The following KIAA1549 variants were observed in gnomAD, a reference collection of about 807,000 sequenced individuals.
KIAA1549 encodes the protein KIAA1549.
In KIAA1549, 70 loss-of-function variants were observed where a neutral mutation model predicts 156.4. The ratio of observed to expected loss-of-function variants is 0.45; its 90% CI spans 0.37 to 0.55. KIAA1549 has a LOEUF of 0.55. KIAA1549 is among the 20% of genes least tolerant of loss of function. The pLI is 0.00. For missense variants in KIAA1549, 2,428 were observed against 2,540.9 expected, an observed-to-expected ratio of 0.96 and a Z score of 0.96; for synonymous variants, 1,103 against 1,066.4, an observed-to-expected ratio of 1.03 and a Z score of -0.67.
intron 17 of KIAA1549, among the ~76,000 whole-genome samples, chr7:138,844,757 TC>T (rs1370805346): frequency 6.6e-6 from 1 of 151,608 alleles, no homozygotes; most frequent in East Asian, 1.9e-4. Context: ...GTCCTGTGCT[TC>T]CTACCCCTGG....
At chr7:138,879,311 C>T (rs141774532) in intron 12 of KIAA1549, among the ~76,000 whole-genome samples, 40 of 152,274 alleles carry the variant, frequency 2.6e-4, no homozygotes, top group East Asian at 1.9e-3. Context: ...TAGAGTGAAG[C>T]GAGGCTATTA....
chr7:138,878,352 A>G (rs1231022565), intron 12 of KIAA1549, among the ~76,000 whole-genome samples: 1 of 152,232 alleles, frequency 6.6e-6, no homozygotes, highest in East Asian at 1.9e-4. Context: ...GTGAGAGGAG[A>G]GGCCCCTGGG....
intron 1 of KIAA1549, among the ~76,000 whole-genome samples, chr7:138,965,048 C>T (rs1813977487): frequency 6.6e-6 from 1 of 151,252 alleles, no homozygotes; most frequent in South Asian, 2.1e-4. Flanking sequence ...GCAGCCTTAA[C>T]CTCCTCTGCT....
chr7:138,952,286 A>C (rs912743831), intron 1 of KIAA1549, among the ~76,000 whole-genome samples: 1 of 152,216 alleles, frequency 6.6e-6, no homozygotes, highest in African/African-American at 2.4e-5. Context: ...TGTTCGTGTA[A>C]TTATTAATAA....
chr7:138,962,724 G>A (rs941327296), intron 1 of KIAA1549, among the ~76,000 whole-genome samples: 5 of 152,222 alleles, frequency 3.3e-5, no homozygotes, highest in African/African-American at 7.2e-5. Flanking sequence ...TTATCCATCC[G>A]AGACCTGTCC....
Position 138,911,150 on chromosome 7 carries a change from T to C in KIAA1549, c.3141A>G (p.Gln1047=). 1.3e-6 allele frequency: 2 copies of C among 1,582,622 alleles called. No homozygotes were observed. The highest frequency in any genetic ancestry group is 8.6e-7 in the Non-Finnish European group (1 of 1,165,632). ...FLVPESRFQV[Q]TVLQFVPPSV... is the part of the protein sequence containing the mutation. ...AACTATGCTGAGCTGTCTCACCTGTTTGAACTTGGAACCTGGACTCTGGCA... is the reference window on the plus strand; with the variant it reads ...AACTATGCTGAGCTGTCTCACCTGTCTGAACTTGGAACCTGGACTCTGGCA... Residue 1047 remains glutamine, a synonymous_variant, in exon 4 of 20, where the codon CAA becomes CAG. Transcript: ENST00000422774.
At chr7:138,955,000 A>G (rs1459697186) in intron 1 of KIAA1549, among the ~76,000 whole-genome samples, 1 of 152,146 alleles carries the variant, frequency 6.6e-6, no homozygotes, top group Non-Finnish European at 1.5e-5. Flanking sequence ...CAGGCCTCGG[A>G]TTAAGTCCCC....
chr7:138,851,925 A>C (rs949439058), intron 17 of KIAA1549, among the ~76,000 whole-genome samples: 3 of 152,152 alleles, frequency 2.0e-5, no homozygotes, highest in Non-Finnish European at 2.9e-5. Flanking sequence ...GATTTCCTGG[A>C]TCTTGGTCTC....
At chr7:138,946,809 G>C (rs547826831) in intron 1 of KIAA1549, among the ~76,000 whole-genome samples, 1 of 152,058 alleles carries the variant, frequency 6.6e-6, no homozygotes, top group African/African-American at 2.4e-5. Context: ...ACTCCACCCC[G>C]TCTGTAATGC....
chr7:138,877,902 T>C (rs1056462600), intron 12 of KIAA1549, among the ~76,000 whole-genome samples: 7 of 152,320 alleles, frequency 4.6e-5, no homozygotes, highest in African/African-American at 1.7e-4. Flanking sequence ...CTGGCTGTAA[T>C]ACCATCAGAA....
At chr7:138,846,211 T>G (rs1052405614) in intron 17 of KIAA1549, among the ~76,000 whole-genome samples, 2 of 152,126 alleles carry the variant, frequency 1.3e-5, no homozygotes, top group East Asian at 3.9e-4. Context: ...CTCATACAAT[T>G]TGGTGGCACT....
At position 138,917,253 on chromosome 7, in the gene KIAA1549, G is replaced by T. The variant is rs375579009; in HGVS notation, c.2373C>A (p.Thr791=). ...TTAAAATGGGCGTTGTGTGGACAGT[G>T]GTCAATGGTGATGTTGCTTGAATCC... ...TAGIQATSPL[T]TVHTTPILTE... Residue 791 remains threonine, a synonymous_variant, in exon 2 of 20, where the codon ACC becomes ACA. Transcript: ENST00000422774. The T allele has an allele frequency of 2.5e-6, 4 of 1,613,754 alleles. No individual in the cohort carries two copies. The highest frequency in any genetic ancestry group is 1.3e-5 in the African/African-American group (1 of 74,916).
At chr7:138,877,779 C>T (rs902577410) in intron 12 of KIAA1549, among the ~76,000 whole-genome samples, 2 of 152,186 alleles carry the variant, frequency 1.3e-5, no homozygotes, top group African/African-American at 2.4e-5. Flanking sequence ...TCATCTAATT[C>T]GCTTCTTTCC....
intron 8 of KIAA1549, 32 bp downstream of exon 8, chr7:138,903,556 T>C (rs1178652998): frequency 6.2e-6 from 10 of 1,606,010 alleles, no homozygotes; most frequent in Non-Finnish European, 8.5e-6. Flanking sequence ...TCTCCCTCTC[T>C]CTCCTTCCCC....
At position 138,945,081 on chromosome 7, in the gene KIAA1549, C is replaced by G. The variant is rs1813299687; in HGVS notation, c.188-25643G>C. On this transcript the variant is annotated intron_variant, in intron 1 of 19. Coordinates refer to ENST00000422774, the MANE Select transcript of KIAA1549 (RefSeq NM_001164665.2). Reference sequence around the variant, plus strand: ...AACCTCCTAGGTCCAGTTAAATACCCTTATCCCAGTTTAACTGGGGAAGCT... The same window carrying G: ...AACCTCCTAGGTCCAGTTAAATACCGTTATCCCAGTTTAACTGGGGAAGCT... Among the ~76,000 whole-genome samples the G allele has an allele frequency of 2.0e-5, 3 of 152,322 alleles. No individual in the cohort carries two copies. The South Asian group carries it at 6.2e-4, about 32-fold the overall frequency.
intron 1 of KIAA1549, among the ~76,000 whole-genome samples, chr7:138,978,222 G>A (rs1814437593): frequency 6.6e-6 from 1 of 152,112 alleles, no homozygotes; most frequent in African/African-American, 2.4e-5. Flanking sequence ...ATTACTTAGT[G>A]TTACCTACAG....
rs1335915399 is a variant in KIAA1549, at chr7:138,879,568, C to T, written c.4315G>A (p.Asp1439Asn). 2.6e-6 allele frequency: 4 copies of T among 1,567,798 alleles called. No homozygotes were observed. Among genetic ancestry groups the T allele is most frequent in the South Asian group, 1.2e-5 (1 of 84,990 alleles). Residue 1439 changes from aspartate (D) to asparagine (N), a missense_variant, in exon 12 of 20, where the codon GAT becomes AAT. By Grantham distance (23) the Asp-to-Asn change is conservative. Coordinates refer to ENST00000422774, the MANE Select transcript of KIAA1549 (RefSeq NM_001164665.2). The part of the protein sequence containing the change: ...AGDKTPGAVN[D>N]GRSHRAPQSG... Reference sequence around the variant, plus strand: ...TGCGGAGCTCTGTGGGACCTGCCATCGTTGACGGCTCCCGGCGTCTTATCT... The same window carrying T: ...TGCGGAGCTCTGTGGGACCTGCCATTGTTGACGGCTCCCGGCGTCTTATCT...
chr7:138,965,672 T>C (rs896541263), intron 1 of KIAA1549, among the ~76,000 whole-genome samples: 1 of 152,096 alleles, frequency 6.6e-6, no homozygotes, highest in Non-Finnish European at 1.5e-5. Context: ...CCAAACAACA[T>C]GTAGAATATG....
At chr7:138,970,688 C>T (rs1271896194) in intron 1 of KIAA1549, among the ~76,000 whole-genome samples, 2 of 152,160 alleles carry the variant, frequency 1.3e-5, no homozygotes, top group Non-Finnish European at 2.9e-5. Context: ...GCTGCTGATC[C>T]GGGGACCACA....
Sources: gnomAD v4.1 joint callset for allele counts (sites outside exome capture counted in the v4.1 genomes callset) on GRCh38, gnomAD v4.1.1 for gene constraint, MANE v1.5 for transcripts, NCBI Gene and HGNC (gene_info 2026-07-23, HGNC 2026-07-21) for gene names.